The following AFF1 variants were observed in gnomAD, a reference collection of about 807,000 sequenced individuals.
AFF1 encodes ALF transcription elongation factor 1.
Under a neutral mutation model 121.7 loss-of-function variants are expected in AFF1, and 48 were observed. That is an observed-to-expected ratio of 0.39 (90% CI 0.31 to 0.50). AFF1 has a LOEUF of 0.50. Ranked by LOEUF, AFF1 falls within the 20% of genes least tolerant of loss-of-function variation. The pLI, the probability that AFF1 is intolerant of heterozygous loss-of-function variation, is 0.76. For synonymous variants in AFF1, 613 were observed against 563.0 expected, an observed-to-expected ratio of 1.09 and a Z score of -1.26; for missense variants, 1,523 against 1,511.7, an observed-to-expected ratio of 1.01 and a Z score of -0.12.
At position 86,998,317 on chromosome 4, in the gene AFF1, AAG is replaced by A. The variant is rs979887031; in HGVS notation, c.39-47846_39-47845del. Among the ~76,000 whole-genome samples, 22 of 152,152 alleles carry A rather than the reference AAG, an allele frequency of 1.4e-4. 1 individual carries two copies. The highest frequency in any genetic ancestry group is 1.2e-3 in the Admixed American group (18 of 15,276). Reference sequence around the variant, plus strand: ...CAAACAAGCTAGTCTCGCTAGAAGAAAGAGCATTCTTGCATGGAGAAGTGGAT... The same window carrying A: ...CAAACAAGCTAGTCTCGCTAGAAGAAAGCATTCTTGCATGGAGAAGTGGAT... On this transcript the variant is annotated intron_variant, in intron 2 of 20. Coordinates refer to ENST00000395146, the MANE Select transcript of AFF1 (RefSeq NM_001166693.3).
intron 12 of AFF1, among the ~76,000 whole-genome samples, chr4:87,117,049 G>A (rs770458617): frequency 1.4e-4 from 21 of 152,216 alleles, no homozygotes; most frequent in Non-Finnish European, 2.8e-4. Context: ...GCTGGAGTGG[G>A]GACAGGTACT....
intron 2 of AFF1, among the ~76,000 whole-genome samples, chr4:86,971,006 G>A (rs966483970): frequency 6.6e-6 from 1 of 152,200 alleles, no homozygotes; most frequent in Non-Finnish European, 1.5e-5. Flanking sequence ...AGCCATTTGA[G>A]GGTTCCATCA....
rs532946396 is a variant in AFF1 at position 87,045,426 on chromosome 4, T to A, written c.39-740T>A. Among the ~76,000 whole-genome samples the A allele has an allele frequency of 2.6e-5, 4 of 152,198 alleles. No homozygotes were observed. The East Asian group carries it at 7.7e-4, about 29-fold the overall frequency. On this transcript the variant is annotated intron_variant, in intron 2 of 20. Transcript: ENST00000395146. Reference sequence around the variant, plus strand: ...AAAACTGCACTACTTTTGGTCTCCATCTCTGATTTGTTTCTCGGTGAATGC... The same window carrying A: ...AAAACTGCACTACTTTTGGTCTCCAACTCTGATTTGTTTCTCGGTGAATGC...
At chr4:86,973,589 C>T (rs1723090989) in intron 2 of AFF1, among the ~76,000 whole-genome samples, 1 of 152,014 alleles carries the variant, frequency 6.6e-6, no homozygotes, top group Non-Finnish European at 1.5e-5. Flanking sequence ...TTATTTATTT[C>T]TGGAAGCAGA....
At chr4:86,949,590 C>A in intron 2 of AFF1, 1 of 1,070,454 alleles carries the variant, frequency 9.3e-7, no homozygotes, top group Non-Finnish European at 1.4e-6. Context: ...ATTCCGGGTG[C>A]TGGAGAGCTG....
chr4:87,022,680 G>GTGTATATATA (rs1560547850), intron 2 of AFF1, among the ~76,000 whole-genome samples: 74 of 88,230 alleles, frequency 8.4e-4, no homozygotes, highest in African/African-American at 4.0e-3. Flanking sequence ...ATATATATGT[G>GTGTATATATA]TGTGTATGTA....
At chr4:86,963,519 G>A (rs562812698) in intron 2 of AFF1, among the ~76,000 whole-genome samples, 2 of 152,278 alleles carry the variant, frequency 1.3e-5, no homozygotes, top group East Asian at 1.9e-4. Flanking sequence ...GTTACTATGT[G>A]CATCTACTCT....
intron 2 of AFF1, among the ~76,000 whole-genome samples, chr4:87,027,796 T>C (rs1445152558): frequency 7.0e-6 from 1 of 142,012 alleles, no homozygotes; most frequent in Admixed American, 7.0e-5. Flanking sequence ...TTTTTTTTTT[T>C]TTTTTTTTTT....
At chr4:87,029,716 T>A (rs79206594) in intron 2 of AFF1, among the ~76,000 whole-genome samples, 1 of 152,072 alleles carries the variant, frequency 6.6e-6, no homozygotes, top group Non-Finnish European at 1.5e-5. Context: ...TATAAAGAAT[T>A]GTAGTGTTAA....
At chr4:87,127,168 C>CT (rs745435220) in intron 15 of AFF1, 51 bp downstream of exon 15, 2 of 1,252,038 alleles carry the variant, frequency 1.6e-6, no homozygotes, top group East Asian at 2.8e-5. Context: ...GTTTTGCTTC[C>CT]CCCCCCCACC....
intron 2 of AFF1, among the ~76,000 whole-genome samples, chr4:86,985,160 TA>T (rs398107604): frequency 9.4e-4 from 13 of 13,892 alleles, no homozygotes; most frequent in South Asian, 0.018. Flanking sequence ...TATAAAAATA[TA>T]ATATATATAA....
chr4:87,091,803 A>T lies in AFF1; in HGVS notation c.1202A>T (p.His401Leu). Residue 401 changes from histidine to leucine, a missense_variant, in exon 7 of 21, where the codon CAT becomes CTT. His to Leu is a moderately conservative substitution (Grantham distance 99). This residue lies in a region of AFF1 where 905 missense variants were observed against 842.5 expected (regional missense o/e 1.07). Coordinates refer to ENST00000395146, the MANE Select transcript of AFF1 (RefSeq NM_001166693.3). ...TTATTTTCTTTCTAGGACTCTCAGCATGTCAGTTCTGTAACCCAAAACCAA... is the reference window on the plus strand; with the variant it reads ...TTATTTTCTTTCTAGGACTCTCAGCTTGTCAGTTCTGTAACCCAAAACCAA... ...KFPFPTKDSQ[H>L]VSSVTQNQKQ... is the part of the protein sequence containing the mutation. The T allele has an allele frequency of 6.4e-7, 1 of 1,555,214 alleles. No homozygotes were observed. Among genetic ancestry groups the T allele is most frequent in the Non-Finnish European group, 8.7e-7 (1 of 1,151,260 alleles).
At chr4:87,106,573 ATTG>A (rs556015886) in intron 10 of AFF1, among the ~76,000 whole-genome samples, 142 of 152,302 alleles carry the variant, frequency 9.3e-4, no homozygotes, top group Admixed American at 2.2e-3. Context: ...GAATTTTCAT[ATTG>A]TTTCAGCTGC....
At chr4:87,113,140 A>G (rs924201268) in intron 11 of AFF1, among the ~76,000 whole-genome samples, 8 of 152,342 alleles carry the variant, frequency 5.3e-5, no homozygotes, top group Middle Eastern at 3.4e-3. Context: ...GGTTGAACTA[A>G]TAGTTAAGGT....
intron 2 of AFF1, among the ~76,000 whole-genome samples, chr4:87,014,578 T>A (rs340652): frequency 6.6e-6 from 1 of 152,136 alleles, no homozygotes; most frequent in African/African-American, 2.4e-5. Context: ...CTTTTCAATT[T>A]TTGGAACTTT....
At chr4:86,967,951 G>C (rs150480918) in intron 2 of AFF1, among the ~76,000 whole-genome samples, 76 of 152,314 alleles carry the variant, frequency 5.0e-4, no homozygotes, top group African/African-American at 1.8e-3. Flanking sequence ...CCCAACAGAT[G>C]AGAGTGCTCA....
At chr4:87,020,909 TAAA>T in intron 2 of AFF1, 1 of 869,236 alleles carries the variant, frequency 1.2e-6, no homozygotes, top group Non-Finnish European at 1.4e-6. Flanking sequence ...TGATATTTCT[TAAA>T]AAGATGTGTA....
intron 2 of AFF1, among the ~76,000 whole-genome samples, chr4:86,956,140 A>G (rs567482928): frequency 6.6e-6 from 1 of 152,360 alleles, no homozygotes; most frequent in African/African-American, 2.4e-5. Context: ...TGCATTTTCA[A>G]GTGAACTAGT....
chr4:87,102,132 CT>C (rs1725489806), intron 8 of AFF1, among the ~76,000 whole-genome samples: 2 of 152,206 alleles, frequency 1.3e-5, no homozygotes, highest in Admixed American at 6.5e-5. Context: ...AAAAGTTTAC[CT>C]AACCAAATGT....
Sources: allele counts gnomAD v4.1 joint callset (sites outside exome capture counted in the v4.1 genomes callset), GRCh38; gene constraint gnomAD v4.1.1; regional missense constraint gnomAD v4.1.1; transcripts MANE v1.5; gene names NCBI Gene and HGNC (gene_info 2026-07-23, HGNC 2026-07-21).